The following CSN2 variants were observed in gnomAD, a reference collection of about 807,000 sequenced individuals.
The protein encoded by CSN2 is beta-casein.
A neutral mutation model predicts 27.3 loss-of-function variants in CSN2; 27 were observed. The ratio of observed to expected loss-of-function variants is 0.99; its 90% CI spans 0.73 to 1.36. The LOEUF is 1.36. Among genes scored for constraint, CSN2 ranks in the 40% most tolerant of loss-of-function variants. The pLI is 0.00. For synonymous variants in CSN2, 131 were observed against 94.8 expected (o/e 1.38, Z -2.22); for missense variants, 333 against 264.5 (o/e 1.26, Z -1.80).
intron 1 of CSN2, among the ~76,000 whole-genome samples, chr4:69,964,263 C>T (rs1723719437): frequency 6.6e-6 from 1 of 152,102 alleles, no homozygotes; most frequent in Non-Finnish European, 1.5e-5. Context: ...TTGCCCACTG[C>T]TAAGCTTGGG....
rs932392655 is a variant in CSN2, at chr4:69,963,592, G to T, written c.-13+2089C>A. On this transcript the variant is annotated intron_variant, in intron 1 of 7. Transcript: ENST00000353151. ...TCACACACCGGGGCTGTTGTGGGGT[G>T]GGGGGAGTGGGGAGGGATAGCATTA... Among the ~76,000 whole-genome samples, 6 of 151,964 alleles carry T rather than the reference G, an allele frequency of 3.9e-5. No homozygotes were observed. The East Asian group carries it at 1.2e-3, about 29-fold the overall frequency.
intron 5 of CSN2, 62 bp from the exon 6 acceptor site, chr4:69,957,866 A>G: frequency 7.5e-7 from 1 of 1,341,990 alleles, no homozygotes; most frequent in Middle Eastern, 1.9e-4. Flanking sequence ...ATTCATAATG[A>G]ATTCATTTCT....
At chr4:69,959,450 C>T (rs745777519) in intron 3 of CSN2, among the ~76,000 whole-genome samples, 5 of 151,994 alleles carry the variant, frequency 3.3e-5, no homozygotes, top group East Asian at 1.9e-4. Context: ...AAACACTTCC[C>T]TTAAGGATCA....
intron 2 of CSN2, among the ~76,000 whole-genome samples, chr4:69,960,697 A>G (rs1723546479): frequency 6.6e-6 from 1 of 151,922 alleles, no homozygotes; most frequent in Admixed American, 6.6e-5. Flanking sequence ...ATGATTTTTT[A>G]TTACTTATTG....
At chr4:69,962,274 A>G (rs1723620190) in intron 1 of CSN2, among the ~76,000 whole-genome samples, 6 of 152,204 alleles carry the variant, frequency 3.9e-5, no homozygotes. Flanking sequence ...CCACATTGCC[A>G]AGTAAATCCT....
At position 69,955,528 on chromosome 4, in the gene CSN2, T is replaced by TC. The variant is rs1723370350; in HGVS notation, c.*100_*101insG. 1 of 152,534 alleles carries TC rather than the reference T, an allele frequency of 6.6e-6. No individual in the cohort carries two copies. Among genetic ancestry groups the TC allele is most frequent in the Non-Finnish European group, 1.5e-5 (1 of 67,974 alleles). 9.4% of individuals were successfully genotyped at this position (152,534 alleles called of 1,614,324 possible). A position where few individuals can be genotyped will look rare whatever the true frequency, so the allele number is the denominator to read the frequency against. ...TTTTCCATATAAACTCATTCAAACATACTTAATTTGGGGTAACGTGATACA... is the reference window on the plus strand; with the variant it reads ...TTTTCCATATAAACTCATTCAAACATCACTTAATTTGGGGTAACGTGATACA... On this transcript the variant is annotated 3_prime_UTR_variant, in exon 8 of 8. Transcript: ENST00000353151.
rs1172620878 is a variant in CSN2, at chr4:69,957,774, A to C, written c.175T>G (p.Phe59Val). Reference sequence around the variant, plus strand: ...GGATAGATCAGAGGCTGTGGCTGGAAAGAGGGGTAGATTTTATCCTGGTGT... The same window carrying C: ...GGATAGATCAGAGGCTGTGGCTGGACAGAGGGGTAGATTTTATCCTGGTGT... ...DEHQDKIYPS[F>V]QPQPLIYPFV... Residue 59 changes from phenylalanine to valine, a missense_variant, in exon 6 of 8, where the codon TTC (phenylalanine) becomes GTC (valine). By Grantham distance (50) the Phe-to-Val change is conservative. Transcript: ENST00000353151. 1 of 1,613,580 alleles carries C rather than the reference A, an allele frequency of 6.2e-7. No homozygotes were observed. The highest frequency in any genetic ancestry group is 1.3e-5 in the African/African-American group (1 of 74,892).
chr4:69,965,408 CTATATATATATA>C (rs756206077), intron 1 of CSN2, among the ~76,000 whole-genome samples: 7,654 of 88,132 alleles, frequency 0.087, 365 homozygotes, highest in East Asian at 0.22. Flanking sequence ...TAGCCTCATA[CTATATATATATA>C]TATATATATA....
intron 6 of CSN2, among the ~76,000 whole-genome samples, chr4:69,956,772 C>T (rs1221618656): frequency 6.6e-6 from 1 of 152,070 alleles, no homozygotes; most frequent in Non-Finnish European, 1.5e-5. Flanking sequence ...TCAGAATTCT[C>T]AACAGACTAA....
chr4:69,961,992 A>T (rs918452341), intron 1 of CSN2, among the ~76,000 whole-genome samples: 11 of 152,204 alleles, frequency 7.2e-5, no homozygotes, highest in African/African-American at 2.7e-4. Context: ...AATTGCTTCA[A>T]AGAGAATAAA....
At chr4:69,956,048 A>T (rs1723386929) in intron 7 of CSN2, among the ~76,000 whole-genome samples, 1 of 152,132 alleles carries the variant, frequency 6.6e-6, no homozygotes. Flanking sequence ...AAAAATAGTG[A>T]TAATCAAATG....
chr4:69,956,536 T>C (rs1723402358), intron 6 of CSN2, among the ~76,000 whole-genome samples, 181 bp from the exon 7 acceptor site: 1 of 151,866 alleles, frequency 6.6e-6, no homozygotes, highest in Admixed American at 6.6e-5. Context: ...ATAAATAACC[T>C]CTTAGTAAGA....
Position 69,957,376 on chromosome 4 carries a change from C to T in CSN2, c.573G>A (p.Val191=). The change falls in exon 6 of 8, where the codon GTG becomes GTA. Residue 191 remains valine (V), a synonymous_variant. Transcript: ENST00000353151. ...GGTTGAGCAGAAGGGCTTGAACAGG[C>T]ACAGCTCTCTGAGGGTAGGGCACCA... The part of the protein sequence containing the change: ...QQVVPYPQRA[V]PVQALLLNQE... 5 of 1,613,412 alleles carry T rather than the reference C, an allele frequency of 3.1e-6. No homozygotes were observed. The highest frequency in any genetic ancestry group is 4.2e-6 in the Non-Finnish European group (5 of 1,179,810).
At position 69,959,045 on chromosome 4, in the gene CSN2, T is replaced by G; in HGVS notation, c.99+4A>C. 7.0e-7 allele frequency: 1 copy of G among 1,426,832 alleles called. No individual in the cohort carries two copies. 88.4% of individuals were successfully genotyped at this position (1,426,832 alleles called of 1,614,324 possible). On this transcript the variant is annotated splice_donor_region_variant and intron_variant, in intron 4 of 7. Transcript: ENST00000353151. The stretch of plus-strand genomic sequence containing the variant: ...ATGTGTACATTTTAAATGTGAAAAT[T>G]TACCTTGTATTCTGTAATAGATTCC...
chr4:69,957,877 C>A, intron 5 of CSN2, 73 bp from the exon 6 acceptor site: 1 of 1,266,878 alleles, frequency 7.9e-7, no homozygotes, highest in Non-Finnish European at 1.1e-6. Flanking sequence ...ATTCATTTCT[C>A]TCTTTTAGAC....
intron 1 of CSN2, among the ~76,000 whole-genome samples, chr4:69,962,389 C>G (rs970248508): frequency 6.6e-6 from 1 of 151,900 alleles, no homozygotes; most frequent in Non-Finnish European, 1.5e-5. Context: ...AAACTGATAC[C>G]AAGACCAATG....
chr4:69,957,507 G>C lies in CSN2; in HGVS notation c.442C>G (p.Pro148Ala), dbSNP rs781240580. 6.2e-7 allele frequency: 1 copy of C among 1,613,934 alleles called. No homozygotes were observed. The highest frequency in any genetic ancestry group is 1.1e-5 in the South Asian group (1 of 91,082). The change falls in exon 6 of 8, where the codon CCC (proline) becomes GCC (alanine). Residue 148 changes from proline (P) to alanine (A), a missense_variant. Coordinates refer to ENST00000353151, the MANE Select transcript of CSN2 (RefSeq NM_001891.4). ...GGCTGAGGGACCTGCTGCATCAAGGGCTGGAGCAGAGGCAGAGGAAGATGC... is the reference window on the plus strand; with the variant it reads ...GGCTGAGGGACCTGCTGCATCAAGGCCTGGAGCAGAGGCAGAGGAAGATGC... ...NLHLPLPLLQPLMQQVPQPIP... is the reference protein window; with the variant it reads ...NLHLPLPLLQALMQQVPQPIP...
chr4:69,963,995 T>C (rs1453860662), intron 1 of CSN2, among the ~76,000 whole-genome samples: 6 of 122,306 alleles, frequency 4.9e-5, no homozygotes, highest in Non-Finnish European at 9.1e-5. Context: ...ATGACTATTT[T>C]AGTTTATTTC....
In CSN2 at chr4:69,957,822, G is replaced by T. The variant is rs745615957; in HGVS notation, c.145-18C>A. On this transcript the variant is annotated intron_variant, in intron 5 of 7. Coordinates refer to ENST00000353151, the MANE Select transcript of CSN2 (RefSeq NM_001891.4). ...TGTTCATCCTGGAAAGAAGGAAAAA[G>T]AATCTTTGAGTCCTTGATTAAGCTA... 11 of 1,597,504 alleles carry T rather than the reference G, an allele frequency of 6.9e-6. No individual in the cohort carries two copies. The highest frequency in any genetic ancestry group is 2.2e-5 in the South Asian group (2 of 89,284).
Sources: gnomAD v4.1 joint callset for allele counts (sites outside exome capture counted in the v4.1 genomes callset) on GRCh38, gnomAD v4.1.1 for gene constraint, MANE v1.5 for transcripts, NCBI Gene and HGNC (gene_info 2026-07-23, HGNC 2026-07-21) for gene names.